Variants in NR5A2 observed in about 807,000 individuals in gnomAD.
NR5A2 encodes CYP7A promoter-binding factor.
NR5A2 carries 26 observed loss-of-function variants against 62.7 expected under a neutral mutation model. The ratio of observed to expected loss-of-function variants is 0.41; its 90% CI spans 0.30 to 0.58. NR5A2 has a LOEUF of 0.58. Among genes scored for constraint, NR5A2 ranks in the 20% least tolerant of loss-of-function variants. The pLI is 0.22. For missense variants in NR5A2, 541 were observed against 669.1 expected (o/e 0.81, Z 2.11); for synonymous variants, 246 against 241.7 (o/e 1.02, Z -0.16).
chr1:200,086,650 C>T (rs76009451), intron 5 of NR5A2, among the ~76,000 whole-genome samples: 40 of 152,278 alleles, frequency 2.6e-4, no homozygotes, highest in African/African-American at 7.0e-4. Flanking sequence ...TAATAGACTA[C>T]GATATGTTGA....
chr1:200,161,653 C>A (rs940900639), intron 7 of NR5A2, among the ~76,000 whole-genome samples: 7 of 152,180 alleles, frequency 4.6e-5, no homozygotes, highest in Admixed American at 4.6e-4. Flanking sequence ...AATCAAATTA[C>A]ACTTTTTCTA....
intron 5 of NR5A2, among the ~76,000 whole-genome samples, chr1:200,088,901 C>T (rs1664682276): frequency 6.6e-6 from 1 of 152,166 alleles, no homozygotes; most frequent in South Asian, 2.1e-4. Context: ...AATCCTTGGC[C>T]ATCCTTGAAA....
chr1:200,150,041 A>AATGG (rs3838435), intron 7 of NR5A2, among the ~76,000 whole-genome samples: 7,894 of 152,048 alleles, frequency 0.052, 468 homozygotes, highest in East Asian at 0.28. Context: ...AGCAGCATAT[A>AATGG]ATGGATGGAT....
intron 7 of NR5A2, among the ~76,000 whole-genome samples, chr1:200,163,436 C>A (rs985757808): frequency 6.6e-6 from 1 of 151,798 alleles, no homozygotes; most frequent in East Asian, 1.9e-4. Context: ...TCTGCCTACA[C>A]GGCTTTCATT....
At chr1:200,102,508 T>C (rs2816987) in intron 5 of NR5A2, among the ~76,000 whole-genome samples, 131,368 of 152,166 alleles carry the variant, frequency 0.86, 56,804 homozygotes, top group East Asian at 0.97. Flanking sequence ...TGCTGTGCTA[T>C]TCGTTCACTT....
chr1:200,096,983 C>T (rs751457477), intron 5 of NR5A2, among the ~76,000 whole-genome samples: 1 of 152,126 alleles, frequency 6.6e-6, no homozygotes, highest in Non-Finnish European at 1.5e-5. Flanking sequence ...GAACATGTCC[C>T]CATCATTAAG....
chr1:200,044,595 T>TTTTG, intron 3 of NR5A2: 1 of 152,182 alleles, frequency 6.6e-6, no homozygotes, highest in East Asian at 1.9e-4. Flanking sequence ...TCAAAGTTTT[T>TTTTG]TTTGTTTGTT....
At chr1:200,173,843 C>A in intron 7 of NR5A2, 120 bp from the exon 8 acceptor site, 1 of 1,022,482 alleles carries the variant, frequency 9.8e-7, no homozygotes, top group Non-Finnish European at 1.3e-6. Flanking sequence ...TATTCAGCAG[C>A]ATGTAAAGTA....
rs3838446 is a variant in NR5A2, at chr1:200,044,980, T to TAA, written c.322-449_322-448dup. Among the ~76,000 whole-genome samples the TAA allele has an allele frequency of 4.7e-3, 671 of 143,036 alleles. 2 individuals carry two copies. Among genetic ancestry groups the TAA allele is most frequent in the Non-Finnish European group, 8.0e-3 (520 of 65,202 alleles). The allele number at this position is 143,036 out of a possible 152,430, so 93.8% of individuals were successfully genotyped here. The stretch of plus-strand genomic sequence containing the variant: ...TTAACTATCCAGTGTTGACATTTGT[T>TAA]AAAAAAAAAAAAAAATCTGAGGTGT... On this transcript the variant is annotated intron_variant, in intron 3 of 7. Coordinates refer to ENST00000367362, the MANE Select transcript of NR5A2 (RefSeq NM_205860.3).
chr1:200,120,169 G>A (rs1666419404), intron 6 of NR5A2, among the ~76,000 whole-genome samples: 1 of 152,034 alleles, frequency 6.6e-6, no homozygotes, highest in African/African-American at 2.4e-5. Flanking sequence ...TAATTTAAAT[G>A]TGATTCTTTC....
At chr1:200,072,038 T>C (rs1230569738) in intron 5 of NR5A2, among the ~76,000 whole-genome samples, 1 of 152,212 alleles carries the variant, frequency 6.6e-6, no homozygotes, top group Non-Finnish European at 1.5e-5. Context: ...AGGAAATTGA[T>C]TCATGTTTGG....
chr1:200,103,364 C>A (rs1352038806), intron 5 of NR5A2, among the ~76,000 whole-genome samples: 1 of 152,106 alleles, frequency 6.6e-6, no homozygotes, highest in Non-Finnish European at 1.5e-5. Context: ...ACCTGATCCA[C>A]CCGCCTTGGC....
In NR5A2 at chr1:200,045,551, C is replaced by A; in HGVS notation, c.430C>A (p.Gln144Lys). The part of the protein sequence containing the change: ...QRKRCPYCRF[Q>K]KCLSVGMKLE... ...AAAGCGTTGTCCTTACTGTCGTTTT[C>A]AAAAATGTCTAAGTGTTGGAATGAA... is the stretch of plus-strand genomic sequence containing the variant. Residue 144 changes from glutamine to lysine, a missense_variant, in exon 4 of 8, where the codon CAA (glutamine) becomes AAA (lysine). Around this residue, in one of 3 missense-constraint regions of NR5A2, gnomAD observed 54 missense variants for 123.8 expected, o/e 0.44. Coordinates refer to ENST00000367362, the MANE Select transcript of NR5A2 (RefSeq NM_205860.3). The A allele has an allele frequency of 6.2e-7, 1 of 1,611,716 alleles. No individual in the cohort carries two copies. Among genetic ancestry groups the A allele is most frequent in the South Asian group, 1.1e-5 (1 of 90,742 alleles).
In NR5A2 at chr1:200,147,458, G is replaced by A; in HGVS notation, c.1378+26503G>A. ...TATGGGGCTGCCTCCTCCAGTACAC[G>A]GAGAGCTCTTTGAGGCAAGGGACAA... On this transcript the variant is annotated intron_variant, in intron 7 of 7. Coordinates refer to ENST00000367362, the MANE Select transcript of NR5A2 (RefSeq NM_205860.3). The surrounding 1 kb of genome is among the most constrained non-coding windows in gnomAD (Gnocchi z 4.9). The A allele has an allele frequency of 5.3e-6, 3 of 570,962 alleles. No individual in the cohort carries two copies. Among genetic ancestry groups the A allele is most frequent in the East Asian group, 4.2e-5 (1 of 23,556 alleles). The allele number at this position is 570,962 out of a possible 1,614,324, so 35.4% of individuals were successfully genotyped here. A position where few individuals can be genotyped will look rare whatever the true frequency, so the allele number is the denominator to read the frequency against.
At chr1:200,082,937 A>G (rs2821315) in intron 5 of NR5A2, among the ~76,000 whole-genome samples, 76,358 of 151,944 alleles carry the variant, frequency 0.5, 19,267 homozygotes, top group African/African-American at 0.55. Context: ...TCCAACATAT[A>G]CCCTAAGAAA....
At chr1:200,059,263 C>T (rs1663076990) in intron 5 of NR5A2, among the ~76,000 whole-genome samples, 1 of 152,106 alleles carries the variant, frequency 6.6e-6, no homozygotes. Context: ...ATTGGAGGGG[C>T]ACAGAATGAG....
intron 5 of NR5A2, among the ~76,000 whole-genome samples, chr1:200,086,629 A>C (rs1664540897): frequency 6.6e-6 from 1 of 152,212 alleles, no homozygotes; most frequent in South Asian, 2.1e-4. Context: ...TTTAGAAATA[A>C]AAGACTCAGC....
intron 5 of NR5A2, among the ~76,000 whole-genome samples, chr1:200,096,582 C>T (rs1234245480): frequency 1.3e-5 from 2 of 152,244 alleles, no homozygotes; most frequent in Non-Finnish European, 2.9e-5. Context: ...GCTGAATTAC[C>T]TTATTGTTTG....
At chr1:200,127,458 C>T (rs2102321171) in intron 7 of NR5A2, among the ~76,000 whole-genome samples, 1 of 151,714 alleles carries the variant, frequency 6.6e-6, no homozygotes, top group South Asian at 2.1e-4. Flanking sequence ...GGGTGGATCA[C>T]CTGAGGTCAA....
Sources: gnomAD v4.1 joint callset for allele counts (sites outside exome capture counted in the v4.1 genomes callset) on GRCh38, gnomAD v4.1.1 for gene constraint, gnomAD v4.1.1 regional missense constraint, Gnocchi (gnomAD v3.1) non-coding constraint, MANE v1.5 for transcripts, NCBI Gene and HGNC (gene_info 2026-07-23, HGNC 2026-07-21) for gene names.